Variants in DMD observed in about 807,000 individuals in gnomAD.
DMD encodes the protein dystrophin, also known as mutant dystrophin.
A neutral mutation model predicts 330.1 loss-of-function variants in DMD; 63 were observed. The observed-to-expected ratio is 0.19, with a 90% CI of 0.16 to 0.24. The LOEUF (loss-of-function observed/expected upper bound fraction) is 0.24. Among genes scored for constraint, DMD ranks in the 10% least tolerant of loss-of-function variants. The pLI is 1.00. For synonymous variants in DMD, 1,223 were observed against 959.8 expected (o/e 1.27, Z -5.07); for missense variants, 3,344 against 2,684.1 (o/e 1.25, Z -5.43).
At chrX:32,131,988 A>T (rs979695930) in intron 44 of DMD, among the ~76,000 whole-genome samples, 4 of 112,044 alleles carry the variant, frequency 3.6e-5, no homozygotes, top group African/African-American at 1.3e-4. Context: ...GATGATGGCT[A>T]TAAAAGCACA....
chrX:32,667,652 C>T (rs1251156703), intron 9 of DMD, among the ~76,000 whole-genome samples: 2 of 111,183 alleles, frequency 1.8e-5, no homozygotes, highest in African/African-American at 3.3e-5. Context: ...TAGGGGTCAA[C>T]ATTATGTGAC....
intron 60 of DMD, among the ~76,000 whole-genome samples, chrX:31,418,183 A>T (rs1260893489): frequency 9.0e-6 from 1 of 111,252 alleles, no homozygotes; most frequent in Non-Finnish European, 1.9e-5. Flanking sequence ...GAAGGCTAGG[A>T]AGTCTGATAT....
chrX:32,491,737 T>C (rs1052421343), intron 19 of DMD, among the ~76,000 whole-genome samples: 2 of 111,775 alleles, frequency 1.8e-5, no homozygotes, highest in Non-Finnish European at 3.8e-5. Flanking sequence ...TGCCATCAAG[T>C]AATAAGACAT....
intron 62 of DMD, among the ~76,000 whole-genome samples, chrX:31,282,658 T>C (rs1231950177): frequency 1.8e-5 from 2 of 111,736 alleles, no homozygotes; most frequent in Non-Finnish European, 3.8e-5. Flanking sequence ...TGCTGCAAAG[T>C]GTCAGTTCTT....
Position 32,636,690 on chromosome X carries a change from T to C in DMD, c.1331+7442A>G, listed in dbSNP as rs1352497006. 5.4e-5 allele frequency among the ~76,000 whole-genome samples: 6 copies of C among 111,856 alleles called. No individual in the cohort carries two copies. The East Asian group carries it at 8.5e-4, about 16-fold the overall frequency. On this transcript the variant is annotated intron_variant, in intron 11 of 78. Transcript: ENST00000357033. ...GTAACAATAACATAAAGAAGCTGCG[T>C]GGCTGGATGCAAAAGATTCTTGGCC...
At chrX:31,225,026 A>G (rs1000976635) in intron 63 of DMD, among the ~76,000 whole-genome samples, 2 of 112,692 alleles carry the variant, frequency 1.8e-5, no homozygotes, top group African/African-American at 6.5e-5. Context: ...TTTCTAGGTG[A>G]TCGAAATGTT....
intron 2 of DMD, among the ~76,000 whole-genome samples, chrX:32,853,401 T>G (rs1397195168): frequency 8.9e-6 from 1 of 111,947 alleles, no homozygotes; most frequent in Admixed American, 9.5e-5. Flanking sequence ...CTAATAACTT[T>G]AAGACATAGA....
chrX:32,998,650 T>TAC (rs74957846), intron 2 of DMD, among the ~76,000 whole-genome samples: 39,747 of 107,081 alleles, frequency 0.37, 6,072 homozygotes, highest in East Asian at 0.47. Context: ...TATGTTTATA[T>TAC]ACACACACAC....
At chrX:31,370,098 C>CAAAAAAAAA (rs59989996) in intron 60 of DMD, among the ~76,000 whole-genome samples, 1 of 59,351 alleles carries the variant, frequency 1.7e-5, no homozygotes, top group African/African-American at 7.9e-5. Flanking sequence ...GGCTCCGTCT[C>CAAAAAAAAA]AAAAAAAAAA....
intron 9 of DMD, among the ~76,000 whole-genome samples, chrX:32,649,329 C>T (rs1462626115): frequency 9.2e-6 from 1 of 108,330 alleles, no homozygotes; most frequent in East Asian, 2.9e-4. Context: ...CTGAGGCAGG[C>T]GGATCACGAG....
At chrX:32,956,995 T>G (rs2091633222) in intron 2 of DMD, among the ~76,000 whole-genome samples, 2 of 111,944 alleles carry the variant, frequency 1.8e-5, no homozygotes, top group Non-Finnish European at 3.8e-5. Flanking sequence ...TTTCCACTGA[T>G]TAGCTGAATA....
chrX:31,341,985 T>C (rs1169090574), intron 61 of DMD, among the ~76,000 whole-genome samples: 1 of 110,907 alleles, frequency 9.0e-6, no homozygotes, highest in African/African-American at 3.3e-5. Flanking sequence ...GCTTAGGTAA[T>C]GCACTCTGAT....
intron 42 of DMD, among the ~76,000 whole-genome samples, chrX:32,302,748 T>C (rs999936223): frequency 1.3e-4 from 15 of 111,555 alleles, no homozygotes; most frequent in East Asian, 8.4e-4. Flanking sequence ...GAAATTTATA[T>C]AATTATACAT....
At chrX:32,738,720 T>A (rs764080736) in intron 7 of DMD, among the ~76,000 whole-genome samples, 1 of 111,558 alleles carries the variant, frequency 9.0e-6, no homozygotes, top group Admixed American at 9.6e-5. Context: ...TTGGAGAACA[T>A]CCATAATAAC....
At chrX:32,252,896 A>T in intron 43 of DMD, among the ~76,000 whole-genome samples, 1 of 83,244 alleles carries the variant, frequency 1.2e-5, no homozygotes, top group Admixed American at 1.7e-4. Flanking sequence ...ATAAATATAT[A>T]TAAATATATA....
At chrX:32,914,894 T>C (rs1046100789) in intron 2 of DMD, among the ~76,000 whole-genome samples, 3 of 111,757 alleles carry the variant, frequency 2.7e-5, no homozygotes, top group Non-Finnish European at 5.6e-5. Context: ...CTATGACATA[T>C]TTACTATTAT....
chrX:32,800,649 C>T (rs2076490496), intron 7 of DMD, among the ~76,000 whole-genome samples: 1 of 110,872 alleles, frequency 9.0e-6, no homozygotes, highest in African/African-American at 3.3e-5. Context: ...TGGTGGTTTG[C>T]TGTACCAATC....
At chrX:32,576,108 G>C (rs1281292006) in intron 13 of DMD, among the ~76,000 whole-genome samples, 3 of 111,543 alleles carry the variant, frequency 2.7e-5, no homozygotes, top group Admixed American at 1.9e-4. Flanking sequence ...TTGCAGTTTT[G>C]TTCACTGTAT....
At chrX:32,702,965 A>G (rs927529605) in intron 7 of DMD, among the ~76,000 whole-genome samples, 1 of 111,439 alleles carries the variant, frequency 9.0e-6, no homozygotes, top group Non-Finnish European at 1.9e-5. Context: ...AGACACCAAC[A>G]AAAGTTTCAA....
Sources: allele counts gnomAD v4.1 joint callset (sites outside exome capture counted in the v4.1 genomes callset), GRCh38; gene constraint gnomAD v4.1.1; transcripts MANE v1.5; gene names NCBI Gene and HGNC (gene_info 2026-07-23, HGNC 2026-07-21).